Variants in CLIP1 observed in about 807,000 individuals in gnomAD.
The protein encoded by CLIP1 is CAP-Gly domain containing linker protein 1, also known as CAP-Gly domain-containing linker protein 1.
CLIP1 carries 66 observed loss-of-function variants against 161.6 expected under a neutral mutation model. The ratio of observed to expected loss-of-function variants is 0.41; its 90% CI spans 0.33 to 0.50. The LOEUF (loss-of-function observed/expected upper bound fraction) is 0.50, where lower values mean the gene tolerates loss of function less well. Among genes scored for constraint, CLIP1 ranks in the 20% least tolerant of loss-of-function variants. The probability of loss-of-function intolerance (pLI) is 0.27; values close to 1 mark genes in which losing one functional copy is unlikely to be tolerated. For missense variants in CLIP1, 1,376 were observed against 1,702.0 expected, an observed-to-expected ratio of 0.81 and a Z score of 3.37; for synonymous variants, 598 against 626.2, an observed-to-expected ratio of 0.96 and a Z score of 0.67.
intron 10 of CLIP1, among the ~76,000 whole-genome samples, chr12:122,346,942 G>A (rs1022099508): frequency 6.6e-6 from 1 of 152,144 alleles, no homozygotes; most frequent in African/African-American, 2.4e-5. Context: ...TCTCCAAGAG[G>A]CCAGGGAAGA....
At chr12:122,347,172 G>T (rs946415544) in intron 10 of CLIP1, among the ~76,000 whole-genome samples, 28 of 152,174 alleles carry the variant, frequency 1.8e-4, no homozygotes, top group Admixed American at 1.8e-3. Flanking sequence ...CCAAAGGAAT[G>T]AGTCTTTACT....
Position 122,361,274 on chromosome 12 carries a change from G to A in CLIP1, c.783-93C>T, listed in dbSNP as rs934406749. 3.7e-6 allele frequency: 4 copies of A among 1,085,576 alleles called. No homozygotes were observed. The Admixed American group carries it at 7.3e-5, about 20-fold the overall frequency. 67.2% of individuals were successfully genotyped at this position (1,085,576 alleles called of 1,614,324 possible). On this transcript the variant is annotated intron_variant, in intron 4 of 25. Transcript: ENST00000620786. ...AGGTTCTCCCAACTCCTAACTTACG[G>A]TTGGATTCCTGGAAATTCTACAGCT... is the stretch of plus-strand genomic sequence containing the variant.
At chr12:122,312,006 C>G (rs544086879) in intron 19 of CLIP1, among the ~76,000 whole-genome samples, 1 of 152,220 alleles carries the variant, frequency 6.6e-6, no homozygotes, top group East Asian at 1.9e-4. Context: ...GCTCCAATAA[C>G]CCAAATTCTG....
chr12:122,316,022 A>G (rs1951254433), intron 19 of CLIP1, among the ~76,000 whole-genome samples: 2 of 151,842 alleles, frequency 1.3e-5, no homozygotes, highest in Non-Finnish European at 2.9e-5. Flanking sequence ...AAGAGTTTTG[A>G]GGGACTTGCT....
chr12:122,370,762 G>A (rs1301032518), intron 3 of CLIP1, among the ~76,000 whole-genome samples: 1 of 152,000 alleles, frequency 6.6e-6, no homozygotes, highest in Non-Finnish European at 1.5e-5. Flanking sequence ...CTCCGCTTCT[G>A]AAAGGCATCT....
At chr12:122,358,540 A>G (rs1953616963) in intron 5 of CLIP1, among the ~76,000 whole-genome samples, 1 of 151,854 alleles carries the variant, frequency 6.6e-6, no homozygotes, top group Non-Finnish European at 1.5e-5. Context: ...CAGTTTCTGT[A>G]TACAAGTCTT....
Position 122,274,118 on chromosome 12 carries a change from A to T in CLIP1, c.4011T>A (p.Asn1337Lys), listed in dbSNP as rs747032210. 17 of 1,610,714 alleles carry T rather than the reference A, an allele frequency of 1.1e-5. No homozygotes were observed. The highest frequency in any genetic ancestry group is 1.4e-5 in the Non-Finnish European group (16 of 1,177,044). ...NSVIVDLQRK[N>K]QDLKMKVEMM... ...TCTCCACCTTCATCTTGAGGTCTTG[A>T]TTCTTCCTTTGAAGGTCCACTATTA... The change falls in exon 25 of 26, where the codon AAT (asparagine) becomes AAA (lysine). Residue 1337 changes from asparagine (N) to lysine (K), a missense_variant. Asn to Lys is a moderately conservative substitution (Grantham distance 94, BLOSUM62 0). This residue lies in a region of CLIP1 where 948 missense variants were observed against 1,134.8 expected (regional missense o/e 0.84). Transcript: ENST00000620786.
intron 1 of CLIP1, among the ~76,000 whole-genome samples, chr12:122,394,614 A>G (rs1458215406): frequency 1.3e-5 from 2 of 151,722 alleles, no homozygotes; most frequent in Non-Finnish European, 2.9e-5. Flanking sequence ...TAGGCCAGGC[A>G]CAGTGGCTCA....
rs1362381513 is a variant in CLIP1 at position 122,377,437 on chromosome 12, G to A, written c.609C>T (p.Gly203=). ...GCTCTCTTTCTCCTTTCTTGATTGAGCCAGCCTCTGAAAGGTTGGAGATAG... is the reference window on the plus strand; with the variant it reads ...GCTCTCTTTCTCCTTTCTTGATTGAACCAGCCTCTGAAAGGTTGGAGATAG... ...SESISNLSEA[G]SIKKGERELK... is the part of the protein sequence containing the mutation. The change falls in exon 3 of 26, where the codon GGC becomes GGT. Residue 203 remains glycine (G), a synonymous_variant. Transcript: ENST00000620786. 1.9e-6 allele frequency: 3 copies of A among 1,614,084 alleles called. No homozygotes were observed. The highest frequency in any genetic ancestry group is 1.3e-5 in the African/African-American group (1 of 75,018).
chr12:122,374,402 C>T (rs1259653688), intron 3 of CLIP1, among the ~76,000 whole-genome samples: 5 of 151,208 alleles, frequency 3.3e-5, no homozygotes, highest in East Asian at 1.9e-4. Flanking sequence ...AGGCAGATCA[C>T]GAGGTCAAGA....
rs148925283 is a variant in CLIP1 at position 122,386,173 on chromosome 12, T to C, written c.-106-5615A>G. 3.7e-3 allele frequency among the ~76,000 whole-genome samples: 563 copies of C among 151,928 alleles called. 5 individuals carry two copies. Among genetic ancestry groups the C allele is most frequent in the African/African-American group, 0.013 (523 of 41,454 alleles). On this transcript the variant is annotated intron_variant, in intron 1 of 25. Coordinates refer to ENST00000620786, the MANE Select transcript of CLIP1 (RefSeq NM_001247997.2). Reference sequence around the variant, plus strand: ...TGGTGTTGCACGCCTGTAGTCCCAGTTACTTGGGAGGCTGAGTTAGGAGGA... The same window carrying C: ...TGGTGTTGCACGCCTGTAGTCCCAGCTACTTGGGAGGCTGAGTTAGGAGGA...
chr12:122,315,855 A>G (rs2136582063), intron 19 of CLIP1, among the ~76,000 whole-genome samples: 1 of 151,748 alleles, frequency 6.6e-6, no homozygotes, highest in African/African-American at 2.4e-5. Flanking sequence ...GTTAGCCAGG[A>G]TGGTCTCAAT....
chr12:122,321,806 A>G (rs954719302), intron 17 of CLIP1, among the ~76,000 whole-genome samples: 1 of 152,360 alleles, frequency 6.6e-6, no homozygotes, highest in East Asian at 1.9e-4. Flanking sequence ...GGCGTGAGCC[A>G]CTGCGCCCAG....
intron 1 of CLIP1, among the ~76,000 whole-genome samples, chr12:122,404,328 G>A (rs1956243169): frequency 6.6e-6 from 1 of 152,204 alleles, no homozygotes; most frequent in African/African-American, 2.4e-5. Flanking sequence ...CGGGTGCAGT[G>A]GCTGACGCCT....
At chr12:122,393,854 G>A (rs1955775105) in intron 1 of CLIP1, among the ~76,000 whole-genome samples, 1 of 127,246 alleles carries the variant, frequency 7.9e-6, no homozygotes, top group Non-Finnish European at 1.6e-5. Flanking sequence ...AGAAGTTGTG[G>A]TTAGCTGAGA....
chr12:122,404,429 T>A (rs1956247694), intron 1 of CLIP1, among the ~76,000 whole-genome samples: 1 of 151,830 alleles, frequency 6.6e-6, no homozygotes. Context: ...GTGAAACCTG[T>A]CTCTACTAAA....
At chr12:122,339,347 T>G (rs199604529) in intron 11 of CLIP1, among the ~76,000 whole-genome samples, 2 of 150,058 alleles carry the variant, frequency 1.3e-5, no homozygotes, top group African/African-American at 5.0e-5. Flanking sequence ...GGTTTTTTTT[T>G]GTTTTTTGGA....
chr12:122,304,584 C>A (rs1172409911), intron 20 of CLIP1, among the ~76,000 whole-genome samples: 3 of 152,198 alleles, frequency 2.0e-5, no homozygotes, highest in Non-Finnish European at 2.9e-5. Context: ...TAGTCTCGAA[C>A]TCCTGACCTC....
chr12:122,354,926 A>G lies in CLIP1; in HGVS notation c.1203+189T>C, dbSNP rs554886110. On this transcript the variant is annotated intron_variant, in intron 6 of 25. Coordinates refer to ENST00000620786, the MANE Select transcript of CLIP1 (RefSeq NM_001247997.2). ...ACACTAAGGTCGAATCAAGAACAAA[A>G]CTTCATCTCTGTGATCATGGAAACT... The G allele has an allele frequency of 4.0e-4, 246 of 613,330 alleles. 3 individuals are homozygous for G. In the South Asian group the frequency reaches 4.8e-3, roughly 12 times the overall value. The allele number at this position is 613,330 out of a possible 1,614,324, so 38.0% of individuals were successfully genotyped here.
Sources: allele counts gnomAD v4.1 joint callset (sites outside exome capture counted in the v4.1 genomes callset), GRCh38; gene constraint gnomAD v4.1.1; regional missense constraint gnomAD v4.1.1; transcripts MANE v1.5; gene names NCBI Gene and HGNC (gene_info 2026-07-23, HGNC 2026-07-21).